The following MAPK10 variants were observed in gnomAD, a reference collection of about 807,000 sequenced individuals.
The protein encoded by MAPK10 is mitogen-activated protein kinase 10.
MAPK10 carries 25 observed loss-of-function variants against 59.3 expected under a neutral mutation model. The observed-to-expected ratio is 0.42, with a 90% CI of 0.31 to 0.59. The LOEUF (loss-of-function observed/expected upper bound fraction) is 0.59. Ranked by LOEUF, MAPK10 falls within the 20% of genes least tolerant of loss-of-function variation. MAPK10 has a pLI of 0.15. For missense variants in MAPK10, 351 were observed against 568.9 expected, an observed-to-expected ratio of 0.62 and a Z score of 3.90; for synonymous variants, 190 against 200.5, an observed-to-expected ratio of 0.95 and a Z score of 0.44.
intron 1 of MAPK10, among the ~76,000 whole-genome samples, chr4:86,421,068 T>C (rs1746471108): frequency 6.6e-6 from 1 of 151,662 alleles, no homozygotes; most frequent in Admixed American, 6.6e-5. Context: ...GGTGACATAG[T>C]GAGACTCCAC....
intron 2 of MAPK10, among the ~76,000 whole-genome samples, chr4:86,256,262 G>A (rs748269199): frequency 6.6e-6 from 1 of 152,176 alleles, no homozygotes; most frequent in Non-Finnish European, 1.5e-5. Flanking sequence ...GAATGTGTCA[G>A]TAGCTTGCTC....
intron 1 of MAPK10, among the ~76,000 whole-genome samples, chr4:86,404,365 T>G (rs959120777): frequency 2.0e-5 from 3 of 152,188 alleles, no homozygotes; most frequent in Non-Finnish European, 4.4e-5. Context: ...CTGTGAAAAT[T>G]ACTCCCTAAG....
chr4:86,164,127 G>A (rs1190868735), intron 3 of MAPK10, among the ~76,000 whole-genome samples: 4 of 152,110 alleles, frequency 2.6e-5, no homozygotes, highest in African/African-American at 9.7e-5. Context: ...GAATGATATA[G>A]CTGAAAACAG....
chr4:86,096,968 C>T (rs2054340441), intron 9 of MAPK10, among the ~76,000 whole-genome samples: 1 of 151,908 alleles, frequency 6.6e-6, no homozygotes, highest in Admixed American at 6.6e-5. Flanking sequence ...TAGACCAGCA[C>T]TGTCCAATAG....
chr4:86,323,830 T>C (rs1368011601), intron 2 of MAPK10, among the ~76,000 whole-genome samples: 2 of 152,220 alleles, frequency 1.3e-5, no homozygotes, highest in Non-Finnish European at 2.9e-5. Context: ...TGAGAAAATT[T>C]GTGTAAAAAT....
intron 2 of MAPK10, among the ~76,000 whole-genome samples, chr4:86,330,693 G>C (rs1409464849): frequency 6.6e-6 from 1 of 152,124 alleles, no homozygotes; most frequent in African/African-American, 2.4e-5. Flanking sequence ...CCTCAGCCAT[G>C]TGGAACTGTG....
chr4:86,058,138 ATAAT>A (rs1407361625), intron 11 of MAPK10, among the ~76,000 whole-genome samples: 1 of 149,788 alleles, frequency 6.7e-6, no homozygotes, highest in Non-Finnish European at 1.5e-5. Context: ...AAGAAATTAA[ATAAT>A]TATTAGGGGG....
chr4:86,083,284 A>G (rs1309858933), intron 9 of MAPK10, among the ~76,000 whole-genome samples: 2 of 152,096 alleles, frequency 1.3e-5, no homozygotes, highest in African/African-American at 4.8e-5. Context: ...TTAATTCCAC[A>G]TTGCTGAAAG....
intron 1 of MAPK10, among the ~76,000 whole-genome samples, chr4:86,588,573 G>T (rs1762795488): frequency 6.6e-6 from 1 of 151,932 alleles, no homozygotes; most frequent in African/African-American, 2.4e-5. Context: ...TTTTGTTTTT[G>T]ATTTTATAAC....
upstream of MAPK10, among the ~76,000 whole-genome samples, chr4:86,454,317 A>T (rs528913181): frequency 1.9e-4 from 29 of 152,360 alleles, no homozygotes; most frequent in African/African-American, 7.0e-4. Flanking sequence ...TAAGCTAATC[A>T]GGAAGGCACC....
intron 1 of MAPK10, among the ~76,000 whole-genome samples, chr4:86,575,132 G>T (rs768772339): frequency 3.9e-5 from 6 of 152,140 alleles, no homozygotes; most frequent in Non-Finnish European, 5.9e-5. Flanking sequence ...CTTCCTGTCT[G>T]CCTGTTTGAG....
chr4:86,071,317 G>A (rs13138031), intron 9 of MAPK10, among the ~76,000 whole-genome samples: 37,455 of 110,602 alleles, frequency 0.34, 6,966 homozygotes, highest in African/African-American at 0.43. Context: ...AGTAGGTTGC[G>A]AACATTTTCT....
intron 11 of MAPK10, among the ~76,000 whole-genome samples, chr4:86,042,920 G>C (rs1336583429): frequency 6.6e-6 from 1 of 152,096 alleles, no homozygotes; most frequent in South Asian, 2.1e-4. Context: ...GGGGCTGAGG[G>C]AATAGAAAGA....
Position 86,098,534 on chromosome 4 carries a change from T to C in MAPK10, c.792A>G (p.Pro264=), listed in dbSNP as rs147756393. 86 of 1,613,200 alleles carry C rather than the reference T, an allele frequency of 5.3e-5. No individual in the cohort carries two copies. The highest frequency in any genetic ancestry group is 9.3e-5 in the African/African-American group (7 of 74,884). Residue 264 remains proline (P), a synonymous_variant, in exon 9 of 14, where the codon CCA becomes CCG. Coordinates refer to ENST00000641462, the MANE Select transcript of MAPK10 (RefSeq NM_138982.4). ...AAGGTACAAGGATACAGTCCCTTCC[T>C]GGAAAGAGGATTTTGTGGCGAACCA... ...GEMVRHKILF[P]GRDYIDQWNK... is the part of the protein sequence containing the mutation.
intron 2 of MAPK10, among the ~76,000 whole-genome samples, chr4:86,231,483 G>A (rs945200455): frequency 1.3e-5 from 2 of 151,602 alleles, no homozygotes; most frequent in African/African-American, 2.4e-5. Context: ...ATGAAACCCC[G>A]TCCCTACTAA....
chr4:86,184,156 T>C lies in MAPK10; in HGVS notation c.66+10180A>G, dbSNP rs949057188. Among the ~76,000 whole-genome samples the C allele has an allele frequency of 1.9e-4, 29 of 152,314 alleles. No homozygotes were observed. In the East Asian group the frequency reaches 5.2e-3, roughly 27 times the overall value. On this transcript the variant is annotated intron_variant, in intron 3 of 13. Coordinates refer to ENST00000641462, the MANE Select transcript of MAPK10 (RefSeq NM_138982.4). Reference sequence around the variant, plus strand: ...GCTCTTTAGTTTAATTAGATCTCATTTGTCAATTTTGTCTTTTGTTGCCAT... The same window carrying C: ...GCTCTTTAGTTTAATTAGATCTCATCTGTCAATTTTGTCTTTTGTTGCCAT...
chr4:86,475,572 T>C (rs1216165611), intron 1 of MAPK10, among the ~76,000 whole-genome samples: 1 of 152,088 alleles, frequency 6.6e-6, no homozygotes, highest in African/African-American at 2.4e-5. Context: ...GGGAAGACAG[T>C]CTTCCCTTGG....
chr4:86,051,326 C>T (rs565872176), intron 11 of MAPK10, among the ~76,000 whole-genome samples: 7 of 152,232 alleles, frequency 4.6e-5, no homozygotes, highest in Middle Eastern at 3.4e-3. Flanking sequence ...TCTACCTTCT[C>T]CTCACATATA....
intron 1 of MAPK10, among the ~76,000 whole-genome samples, chr4:86,554,077 G>C (rs1428982371): frequency 6.6e-6 from 1 of 151,950 alleles, no homozygotes; most frequent in African/African-American, 2.4e-5. Flanking sequence ...GGGAGGAGAA[G>C]GCAGGACGAG....
Sources: gnomAD v4.1 joint callset for allele counts (sites outside exome capture counted in the v4.1 genomes callset) on GRCh38, gnomAD v4.1.1 for gene constraint, MANE v1.5 for transcripts, NCBI Gene and HGNC (gene_info 2026-07-23, HGNC 2026-07-21) for gene names.